RPP30: variants seen among roughly 807,000 people sequenced by gnomAD.
The protein encoded by RPP30 is ribonuclease P/MRP subunit p30.
A neutral mutation model predicts 38.6 loss-of-function variants in RPP30; 36 were observed. That is an observed-to-expected ratio of 0.93 (90% CI 0.71 to 1.23). RPP30 has a LOEUF of 1.23. Ranked by LOEUF, RPP30 falls within the 50% of genes most tolerant of loss-of-function variation. RPP30 has a pLI of 0.00. For missense variants in RPP30, 321 were observed against 321.7 expected (o/e 1.00, Z 0.02); for synonymous variants, 126 against 112.7 (o/e 1.12, Z -0.75).
downstream of RPP30, among the ~76,000 whole-genome samples, chr10:90,906,884 G>T (rs1244396658): frequency 6.6e-6 from 1 of 152,176 alleles, no homozygotes; most frequent in Non-Finnish European, 1.5e-5. Flanking sequence ...TGGGCAAAGA[G>T]TTGAGTCAGT....
chr10:90,883,699 T>G (rs917392340), intron 5 of RPP30, among the ~76,000 whole-genome samples: 4 of 152,228 alleles, frequency 2.6e-5, no homozygotes, highest in Non-Finnish European at 4.4e-5. Context: ...AATGTGTAAG[T>G]AAAAAGTAAC....
chr10:90,904,195 A>C (rs538370495), downstream of RPP30, among the ~76,000 whole-genome samples: 17 of 152,332 alleles, frequency 1.1e-4, no homozygotes, highest in South Asian at 3.5e-3. Flanking sequence ...GAAATTCAGA[A>C]CAGTGAAAAG....
chr10:90,885,950 C>A, intron 6 of RPP30, 49 bp downstream of exon 6: 1 of 1,184,558 alleles, frequency 8.4e-7, no homozygotes, highest in Non-Finnish European at 1.2e-6. Flanking sequence ...CTTACATTAG[C>A]AAATTGGAAA....
chr10:90,876,216 G>A (rs1846850596), intron 4 of RPP30, 118 bp downstream of exon 4: 1 of 635,870 alleles, frequency 1.6e-6, no homozygotes, highest in Non-Finnish European at 2.8e-6. Flanking sequence ...GCCAAACCAT[G>A]ACACCTGCTT....
intron 5 of RPP30, 118 bp from the exon 6 acceptor site, chr10:90,885,694 C>T (rs529967233): frequency 7.4e-6 from 5 of 672,228 alleles, no homozygotes; most frequent in African/African-American, 7.4e-5. Context: ...TATTTCAACA[C>T]AGAACCATCA....
Position 90,895,872 on chromosome 10 carries a change from T to C in RPP30, c.580-8T>C. On this transcript the variant is annotated splice_region_variant and splice_polypyrimidine_tract_variant and intron_variant, in intron 8 of 10. Coordinates refer to ENST00000371703, the MANE Select transcript of RPP30 (RefSeq NM_006413.5). ...TCTCATATCTACTCTTTGTTCATTT[T>C]ATTTCAGCCTTTAGAAATAAGAGGG... 6.3e-7 allele frequency: 1 copy of C among 1,589,502 alleles called. No homozygotes were observed. Among genetic ancestry groups the C allele is most frequent in the Non-Finnish European group, 8.6e-7 (1 of 1,164,622 alleles).
chr10:90,891,809 A>G (rs1294182626), intron 6 of RPP30, among the ~76,000 whole-genome samples: 1 of 152,194 alleles, frequency 6.6e-6, no homozygotes, highest in Non-Finnish European at 1.5e-5. Context: ...AAAAGTGATT[A>G]TTGGAGGAAG....
downstream of RPP30, among the ~76,000 whole-genome samples, chr10:90,906,958 C>T (rs182461598): frequency 2.0e-5 from 3 of 152,230 alleles, no homozygotes; most frequent in African/African-American, 7.2e-5. Context: ...AAAAATTTCC[C>T]CCAACGTGTT....
chr10:90,880,262 C>T (rs946697435), intron 5 of RPP30: 5 of 150,682 alleles, frequency 3.3e-5, no homozygotes, highest in African/African-American at 1.2e-4. Context: ...GATGTTTTTC[C>T]TAGATGTATC....
chr10:90,879,336 C>T (rs1328859556), intron 5 of RPP30, among the ~76,000 whole-genome samples: 1 of 152,044 alleles, frequency 6.6e-6, no homozygotes, highest in African/African-American at 2.4e-5. Context: ...TTTCATGCTG[C>T]TAACCTTTGA....
At chr10:90,890,299 A>G (rs1847063165) in intron 6 of RPP30, among the ~76,000 whole-genome samples, 1 of 152,232 alleles carries the variant, frequency 6.6e-6, no homozygotes, top group East Asian at 1.9e-4. Flanking sequence ...TGTTCTTAAA[A>G]CAGCACGTAT....
downstream of RPP30, chr10:90,903,104 T>C: frequency 1.4e-6 from 1 of 739,790 alleles, no homozygotes; most frequent in Non-Finnish European, 2.5e-6. Context: ...AAATTAGATA[T>C]GAGAAGGATA....
chr10:90,894,991 G>A (rs958737991), intron 7 of RPP30, 100 bp downstream of exon 7: 2 of 871,420 alleles, frequency 2.3e-6, no homozygotes, highest in Non-Finnish European at 2.0e-6. Flanking sequence ...AAAGCAGAAT[G>A]TTCTCATAGC....
intron 9 of RPP30, 104 bp downstream of exon 9, chr10:90,896,021 A>T: frequency 4.6e-6 from 4 of 866,830 alleles, no homozygotes; most frequent in Non-Finnish European, 7.4e-6. Flanking sequence ...CTTTTACTGT[A>T]AGTTTACCAA....
At chr10:90,905,623 A>G (rs1300945915), downstream of RPP30, 1 of 152,210 alleles carries the variant, frequency 6.6e-6, no homozygotes, top group East Asian at 1.9e-4. Context: ...TGGACAAATA[A>G]AGTTGATTTT....
intron 4 of RPP30, among the ~76,000 whole-genome samples, chr10:90,878,455 A>T (rs1210631104): frequency 1.3e-5 from 2 of 151,972 alleles, no homozygotes; most frequent in African/African-American, 4.8e-5. Flanking sequence ...ATACAGACTC[A>T]CACAATTTAG....
At chr10:90,889,604 T>A (rs1418419383) in intron 6 of RPP30, among the ~76,000 whole-genome samples, 1 of 152,150 alleles carries the variant, frequency 6.6e-6, no homozygotes, top group African/African-American at 2.4e-5. Context: ...CTTAATTTTG[T>A]CACGATGTGG....
intron 6 of RPP30, among the ~76,000 whole-genome samples, chr10:90,889,476 AT>A (rs929238878): frequency 4.0e-5 from 6 of 148,788 alleles, no homozygotes; most frequent in Admixed American, 6.7e-5. Context: ...CAGCTGGCTA[AT>A]TTTTTTTTTA....
chr10:90,907,418 T>C (rs11186358), downstream of RPP30, among the ~76,000 whole-genome samples: 36,022 of 152,084 alleles, frequency 0.24, 4,527 homozygotes, highest in African/African-American at 0.34. Flanking sequence ...CCTGGATTAG[T>C]ACTAGACAGA....
Sources: allele counts gnomAD v4.1 joint callset (sites outside exome capture counted in the v4.1 genomes callset), GRCh38; gene constraint gnomAD v4.1.1; transcripts MANE v1.5; gene names NCBI Gene and HGNC (gene_info 2026-07-23, HGNC 2026-07-21).